SLC25A51: variants seen among roughly 807,000 people sequenced by gnomAD.
SLC25A51 encodes solute carrier family 25 member 51, also known as mitochondrial nicotinamide adenine dinucleotide transporter SLC25A51.
In SLC25A51, 11 loss-of-function variants were observed where a neutral mutation model predicts 19.1. That is an observed-to-expected ratio of 0.58 (90% CI 0.36 to 0.96). The LOEUF is 0.96. Among genes scored for constraint, SLC25A51 ranks in the 40% least tolerant of loss-of-function variants. The pLI is 0.01. For synonymous variants in SLC25A51, 105 were observed against 133.6 expected (o/e 0.79, Z 1.47); for missense variants, 201 against 365.4 (o/e 0.55, Z 3.67).
intron 1 of SLC25A51, among the ~76,000 whole-genome samples, chr9:37,903,190 T>G (rs1285379173): frequency 1.3e-5 from 2 of 152,216 alleles, no homozygotes; most frequent in African/African-American, 4.8e-5. Flanking sequence ...TAGCACCTTT[T>G]GATCCTATGG....
chr9:37,887,524 C>G, downstream of SLC25A51: 3 of 1,064,872 alleles, frequency 2.8e-6, no homozygotes, highest in Non-Finnish European at 4.0e-6. Context: ...CTCTGACCTA[C>G]TCCCCACACC....
At chr9:37,888,682 C>T (rs1423632751) in intron 2 of SLC25A51, 90 bp from the exon 3 acceptor site, 70 of 1,023,254 alleles carry the variant, frequency 6.8e-5, no homozygotes, top group Non-Finnish European at 8.2e-5. Context: ...AATATCTGGA[C>T]ACCACACTTT....
chr9:37,901,865 G>A (rs1198082676), intron 1 of SLC25A51, among the ~76,000 whole-genome samples: 1 of 152,148 alleles, frequency 6.6e-6, no homozygotes, highest in African/African-American at 2.4e-5. Context: ...ATAGGTATGA[G>A]TTAAAAACTC....
chr9:37,882,136 A>G (rs1025275805), intron 2 of SLC25A51, among the ~76,000 whole-genome samples: 14 of 152,228 alleles, frequency 9.2e-5, no homozygotes, highest in African/African-American at 2.9e-4. Context: ...ATTAAAAACT[A>G]AAAATCCTCA....
chr9:37,901,555 G>T (rs1490692395), intron 1 of SLC25A51, among the ~76,000 whole-genome samples: 24 of 152,108 alleles, frequency 1.6e-4, no homozygotes, highest in Admixed American at 1.6e-3. Context: ...TTTTCTTTGA[G>T]CAAAACTCTT....
chr9:37,889,952 T>C (rs933316777), intron 2 of SLC25A51, among the ~76,000 whole-genome samples: 6 of 151,994 alleles, frequency 3.9e-5, no homozygotes, highest in Non-Finnish European at 7.4e-5. Flanking sequence ...ACATGATAAC[T>C]GTATATTGTA....
Position 37,888,504 on chromosome 9 carries a change from GATGTT to G in SLC25A51, c.42_46del (p.Thr15PhefsTer14). 1.2e-6 allele frequency: 2 copies of G among 1,614,044 alleles called. No individual in the cohort carries two copies. The highest frequency in any genetic ancestry group is 1.7e-6 in the Non-Finnish European group (2 of 1,179,942). The stretch of plus-strand genomic sequence containing the variant: ...ATGAGGTGATATATCTTGTTTTGAA[GATGTT>G]AGTATTGGTGGCCTCTTTTCATGAG... On this transcript the variant is annotated frameshift_variant, in exon 3 of 3. Transcript: ENST00000242275. LOFTEE classifies it high-confidence loss of function.
At chr9:37,880,830 T>C (rs1831335790) in intron 3 of SLC25A51, 3 of 152,198 alleles carry the variant, frequency 2.0e-5, no homozygotes, top group East Asian at 1.9e-4. Context: ...TCTGTAGCTA[T>C]GCAGAGATCC....
downstream of SLC25A51, among the ~76,000 whole-genome samples, chr9:37,883,965 C>T (rs1831397779): frequency 1.3e-5 from 2 of 152,174 alleles, no homozygotes; most frequent in South Asian, 2.1e-4. Context: ...TTTAACCAGC[C>T]ATAGTGCATT....
intron 2 of SLC25A51, among the ~76,000 whole-genome samples, chr9:37,894,678 T>C (rs369579146): frequency 6.6e-5 from 10 of 152,134 alleles, no homozygotes; most frequent in African/African-American, 1.9e-4. Context: ...TTATGTAAAC[T>C]TGTGCCATGG....
chr9:37,892,547 C>T (rs1831615511), intron 2 of SLC25A51, among the ~76,000 whole-genome samples: 1 of 151,750 alleles, frequency 6.6e-6, no homozygotes, highest in Middle Eastern at 3.2e-3. Context: ...ACAATATATA[C>T]AATACTACAT....
chr9:37,879,820 TGGG>T (rs1831316845), exon 4 of SLC25A51: 1 of 152,428 alleles, frequency 6.6e-6, no homozygotes, highest in Non-Finnish European at 1.5e-5. Context: ...GGCACCTGCA[TGGG>T]CAGAGGCTGG....
downstream of SLC25A51, chr9:37,878,819 A>G (rs1380085113): frequency 1.3e-5 from 2 of 156,100 alleles, no homozygotes; most frequent in Non-Finnish European, 2.8e-5. Context: ...ATTTTAAAAA[A>G]ATAGAGCCAG....
rs1003333711 is a variant in SLC25A51, at chr9:37,891,216, C to T, written c.-42-2624G>A. Among the ~76,000 whole-genome samples, 10 of 152,276 alleles carry T rather than the reference C, an allele frequency of 6.6e-5. No individual in the cohort carries two copies. The South Asian group carries it at 8.3e-4, about 13-fold the overall frequency. Reference sequence around the variant, plus strand: ...AAGATTCAGCCATCGCCCGGCCAGCCGCCCCGTCCAGGAGGGAGGTGGGGG... The same window carrying T: ...AAGATTCAGCCATCGCCCGGCCAGCTGCCCCGTCCAGGAGGGAGGTGGGGG... On this transcript the variant is annotated intron_variant, in intron 2 of 2. Transcript: ENST00000242275.
chr9:37,879,070 C>A, downstream of SLC25A51: 2 of 353,210 alleles, frequency 5.7e-6, no homozygotes, highest in South Asian at 2.6e-5. Context: ...TGATCTTAAT[C>A]ACCGTGAAAA....
At chr9:37,884,871 A>G (rs564078015), downstream of SLC25A51, among the ~76,000 whole-genome samples, 72 of 152,362 alleles carry the variant, frequency 4.7e-4, no homozygotes, top group Middle Eastern at 3.4e-3. Context: ...GAAGGGTTGA[A>G]GATCACAGTC....
chr9:37,898,605 GCTA>G (rs934933205), intron 2 of SLC25A51, among the ~76,000 whole-genome samples: 1 of 151,860 alleles, frequency 6.6e-6, no homozygotes, highest in Non-Finnish European at 1.5e-5. Flanking sequence ...TGTCATCTCA[GCTA>G]CTTGGGAGGC....
chr9:37,885,484 TAAGA>T (rs150587825), downstream of SLC25A51, among the ~76,000 whole-genome samples: 1,681 of 152,050 alleles, frequency 0.011, 39 homozygotes, highest in African/African-American at 0.038. Flanking sequence ...TTTGGCCAAT[TAAGA>T]AAGAGATTCT....
At chr9:37,885,993 A>G, downstream of SLC25A51, 1 of 1,613,758 alleles carries the variant, frequency 6.2e-7, no homozygotes, top group Non-Finnish European at 8.5e-7. Context: ...TTCTTTGCCA[A>G]TTGGTCTAAT....
Sources: gnomAD v4.1 joint callset for allele counts (sites outside exome capture counted in the v4.1 genomes callset) on GRCh38, gnomAD v4.1.1 for gene constraint, MANE v1.5 for transcripts, NCBI Gene and HGNC (gene_info 2026-07-23, HGNC 2026-07-21) for gene names.